The following KAZN variants were observed in gnomAD, a reference collection of about 807,000 sequenced individuals.
KAZN encodes kazrin.
Under a neutral mutation model 87.4 loss-of-function variants are expected in KAZN, and 40 were observed. The ratio of observed to expected loss-of-function variants is 0.46; its 90% confidence interval spans 0.36 to 0.60. KAZN has a LOEUF of 0.60. Ranked by LOEUF, KAZN falls within the 20% of genes least tolerant of loss-of-function variation. The pLI is 0.00. For synonymous variants in KAZN, 466 were observed against 458.3 expected (o/e 1.02, Z -0.22); for missense variants, 898 against 1,073.9 (o/e 0.84, Z 2.29).
intron 1 of KAZN, among the ~76,000 whole-genome samples, chr1:14,179,448 G>A (rs1291436099): frequency 1.3e-5 from 2 of 152,216 alleles, no homozygotes; most frequent in African/African-American, 4.8e-5. Flanking sequence ...ATAGTGTTCA[G>A]TTTTATAGTT....
intron 1 of KAZN, among the ~76,000 whole-genome samples, chr1:13,975,765 T>C (rs1476571114): frequency 6.6e-6 from 1 of 152,222 alleles, no homozygotes; most frequent in Non-Finnish European, 1.5e-5. Flanking sequence ...ATGATGTTTT[T>C]TGTGGTCCTG....
chr1:14,383,669 A>G (rs982676005), intron 2 of KAZN, among the ~76,000 whole-genome samples: 3 of 151,734 alleles, frequency 2.0e-5, no homozygotes, highest in Non-Finnish European at 4.4e-5. Context: ...TGTTCCATTG[A>G]TCTCTCTCTC....
At chr1:15,108,351 G>A (rs1641367577) in intron 13 of KAZN, among the ~76,000 whole-genome samples, 1 of 152,238 alleles carries the variant, frequency 6.6e-6, no homozygotes, top group Non-Finnish European at 1.5e-5. Context: ...GTGCCCAGAG[G>A]CGTGGGCCTG....
chr1:14,101,070 C>A (rs561272607), intron 1 of KAZN, among the ~76,000 whole-genome samples: 23 of 152,232 alleles, frequency 1.5e-4, no homozygotes, highest in Non-Finnish European at 2.9e-5. Flanking sequence ...CTCTTTCATT[C>A]GTAAATTACC....
At chr1:14,104,595 A>G (rs1644329247) in intron 1 of KAZN, among the ~76,000 whole-genome samples, 1 of 152,220 alleles carries the variant, frequency 6.6e-6, no homozygotes, top group African/African-American at 2.4e-5. Flanking sequence ...TTTGTGGCCA[A>G]CCTAGAACTT....
chr1:14,937,960 C>T (rs1660639052), intron 1 of KAZN, among the ~76,000 whole-genome samples: 2 of 152,240 alleles, frequency 1.3e-5, no homozygotes, highest in Admixed American at 1.3e-4. Context: ...CTTTGCCTTA[C>T]TCTGTGCTTG....
rs116339778 is a variant in KAZN, at chr1:14,018,367, G to A, written c.91+124611G>A. Among the ~76,000 whole-genome samples, 736 of 152,284 alleles carry A rather than the reference G, an allele frequency of 4.8e-3. 4 individuals carry two copies. The highest frequency in any genetic ancestry group is 0.017 in the African/African-American group (705 of 41,558). ...GACAAGCAAAATGAAGACAGGGTACGGGGGAGAAGGAGGGGTCTTATCAAT... is the reference window on the plus strand; with the variant it reads ...GACAAGCAAAATGAAGACAGGGTACAGGGGAGAAGGAGGGGTCTTATCAAT... On this transcript the variant is annotated intron_variant, in intron 1 of 16. Coordinates refer to the KAZN transcript ENST00000636203.
intron 2 of KAZN, among the ~76,000 whole-genome samples, chr1:14,346,587 C>T (rs1658127058): frequency 6.6e-6 from 1 of 152,072 alleles, no homozygotes; most frequent in Non-Finnish European, 1.5e-5. Flanking sequence ...TCTATACCTC[C>T]CCTCTGTATC....
At chr1:14,720,943 G>A (rs1557914957) in intron 1 of KAZN, among the ~76,000 whole-genome samples, 1 of 152,174 alleles carries the variant, frequency 6.6e-6, no homozygotes, top group Non-Finnish European at 1.5e-5. Context: ...CCTCCAGCCT[G>A]TTTGCCATCA....
intron 2 of KAZN, among the ~76,000 whole-genome samples, chr1:14,507,891 C>T (rs1430105543): frequency 3.3e-5 from 5 of 151,710 alleles, no homozygotes; most frequent in East Asian, 1.9e-4. Context: ...GGTGTGAACC[C>T]GGGAGGTGGA....
chr1:14,998,421 G>A (rs1219919716), intron 2 of KAZN, among the ~76,000 whole-genome samples: 7 of 152,150 alleles, frequency 4.6e-5, no homozygotes, highest in Admixed American at 1.3e-4. Context: ...GGGACTTTGG[G>A]GGTTAGACCT....
rs1483496270 is a variant in KAZN, at chr1:15,099,705, T to C, written c.1548-1838T>C. Among the ~76,000 whole-genome samples, 1 of 151,686 alleles carries C rather than the reference T, an allele frequency of 6.6e-6. No homozygotes were observed. The highest frequency in any genetic ancestry group is 2.4e-5 in the African/African-American group (1 of 41,276). ...ACTCCTGCAAAGAGAAGCCACAGAGTGTTGAGCAGGGGAGTGCACGGTCAC... is the reference window on the plus strand; with the variant it reads ...ACTCCTGCAAAGAGAAGCCACAGAGCGTTGAGCAGGGGAGTGCACGGTCAC... On this transcript the variant is annotated intron_variant, in intron 10 of 14. Coordinates refer to ENST00000376030, the MANE Select transcript of KAZN (RefSeq NM_201628.3). This position sits in a 1 kb window ranked among gnomAD's most constrained non-coding sequence, Gnocchi z 5.4.
At chr1:14,436,547 G>A (rs887896217) in intron 2 of KAZN, among the ~76,000 whole-genome samples, 16 of 151,248 alleles carry the variant, frequency 1.1e-4, no homozygotes, top group African/African-American at 1.9e-4. Context: ...GTGAAACCCC[G>A]TCTCTACTAA....
At chr1:14,276,433 A>AGG (rs1156528194) in intron 2 of KAZN, among the ~76,000 whole-genome samples, 1 of 152,122 alleles carries the variant, frequency 6.6e-6, no homozygotes, top group African/African-American at 2.4e-5. Flanking sequence ...AAGGGAGCAG[A>AGG]GGGGGCTTAT....
chr1:14,384,696 T>C (rs1661705634), intron 2 of KAZN, among the ~76,000 whole-genome samples: 1 of 151,880 alleles, frequency 6.6e-6, no homozygotes, highest in Non-Finnish European at 1.5e-5. Context: ...AGCTTTTTGA[T>C]GTGCTGCTGG....
chr1:14,185,118 A>G (rs574940565), intron 2 of KAZN, among the ~76,000 whole-genome samples: 1 of 152,234 alleles, frequency 6.6e-6, no homozygotes, highest in East Asian at 1.9e-4. Flanking sequence ...TGGGCTTAAG[A>G]AGGTCACAGA....
At chr1:14,133,219 T>C (rs1645028094) in intron 1 of KAZN, among the ~76,000 whole-genome samples, 1 of 151,838 alleles carries the variant, frequency 6.6e-6, no homozygotes, top group South Asian at 2.1e-4. Context: ...ATACAAAAAT[T>C]AGCTGGGCAT....
chr1:13,953,365 G>A (rs1417688187), intron 1 of KAZN, among the ~76,000 whole-genome samples: 6 of 152,172 alleles, frequency 3.9e-5, no homozygotes, highest in Non-Finnish European at 5.9e-5. Context: ...GACTACGGGA[G>A]AGAGGCTTTT....
At chr1:14,706,227 A>T (rs1454611109) in intron 1 of KAZN, among the ~76,000 whole-genome samples, 3 of 152,150 alleles carry the variant, frequency 2.0e-5, no homozygotes. Flanking sequence ...CATTGATTCT[A>T]TATTATGGTG....
Sources: allele counts gnomAD v4.1 joint callset (sites outside exome capture counted in the v4.1 genomes callset), GRCh38; gene constraint gnomAD v4.1.1; non-coding constraint Gnocchi (gnomAD v3.1); transcripts MANE v1.5; gene names NCBI Gene and HGNC (gene_info 2026-07-23, HGNC 2026-07-21).